DMRT1: variants seen among roughly 807,000 people sequenced by gnomAD.
DMRT1 encodes doublesex and mab-3 related transcription factor 1.
In DMRT1, 7 loss-of-function variants were observed where a neutral mutation model predicts 32.3. That is an observed-to-expected ratio of 0.22 (90% confidence interval 0.12 to 0.41). The LOEUF (loss-of-function observed/expected upper bound fraction) is 0.41. DMRT1 is among the 10% of genes least tolerant of loss of function. The pLI, the probability that DMRT1 is intolerant of heterozygous loss-of-function variation, is 1.00. For synonymous variants in DMRT1, 278 were observed against 206.1 expected (o/e 1.35, Z -2.99); for missense variants, 625 against 500.5 (o/e 1.25, Z -2.37).
rs1820016141 is a variant in DMRT1 at position 968,707 on chromosome 9, T to C, written c.*568T>C. On this transcript the variant is annotated 3_prime_UTR_variant, in exon 5 of 5. Coordinates refer to ENST00000382276, the MANE Select transcript of DMRT1 (RefSeq NM_021951.3). ...CCCAATCCAAAACGTAACTGAAATA[T>C]AATCAGAAACATTAAAGCCTGTAAA... 1 of 153,202 alleles carries C rather than the reference T, an allele frequency of 6.5e-6. No homozygotes were observed. Among genetic ancestry groups the C allele is most frequent in the Non-Finnish European group, 1.5e-5 (1 of 68,746 alleles). 9.5% of individuals were successfully genotyped at this position (153,202 alleles called of 1,614,324 possible).
At chr9:902,295 G>C (rs1229939549) in intron 3 of DMRT1, among the ~76,000 whole-genome samples, 1 of 149,988 alleles carries the variant, frequency 6.7e-6, no homozygotes, top group Non-Finnish European at 1.5e-5. Context: ...GTAAAAAGTT[G>C]ATACCCGTTG....
intron 2 of DMRT1, among the ~76,000 whole-genome samples, chr9:856,389 C>T (rs7027737): frequency 0.42 from 64,416 of 151,884 alleles, 13,836 homozygotes; most frequent in East Asian, 0.6. Context: ...TCAGTCACTC[C>T]CCATGTACTC....
At chr9:931,133 G>T (rs764996362) in intron 4 of DMRT1, among the ~76,000 whole-genome samples, 10 of 152,204 alleles carry the variant, frequency 6.6e-5, no homozygotes, top group African/African-American at 2.2e-4. Flanking sequence ...TTTTGTGTCC[G>T]ACTTCTTTCA....
chr9:873,529 G>C (rs1392382431), intron 2 of DMRT1, among the ~76,000 whole-genome samples: 1 of 151,874 alleles, frequency 6.6e-6, no homozygotes. Flanking sequence ...TTGTTGGCCA[G>C]GCTGGTCTCG....
chr9:907,436 G>T (rs1354812879), intron 3 of DMRT1, among the ~76,000 whole-genome samples: 1 of 152,154 alleles, frequency 6.6e-6, no homozygotes, highest in African/African-American at 2.4e-5. Flanking sequence ...CGCTGAGCTA[G>T]TCCCAGCCAG....
intron 3 of DMRT1, among the ~76,000 whole-genome samples, chr9:898,605 T>C (rs1003298142): frequency 1.3e-5 from 2 of 152,216 alleles, no homozygotes; most frequent in Non-Finnish European, 2.9e-5. Flanking sequence ...CCTGCTTTTC[T>C]GTCTTCTTTG....
intron 4 of DMRT1, among the ~76,000 whole-genome samples, chr9:944,439 C>T (rs967894016): frequency 2.6e-5 from 4 of 152,186 alleles, no homozygotes; most frequent in South Asian, 4.2e-4. Context: ...TTTTCAGCAG[C>T]TCACTCCCCT....
chr9:934,978 C>T (rs1314713826), intron 4 of DMRT1, among the ~76,000 whole-genome samples: 1 of 152,160 alleles, frequency 6.6e-6, no homozygotes, highest in East Asian at 1.9e-4. Context: ...CCAGCTGTCT[C>T]AACTATATCT....
intron 2 of DMRT1, among the ~76,000 whole-genome samples, chr9:873,447 A>G (rs13299489): frequency 2.6e-5 from 4 of 151,732 alleles, no homozygotes; most frequent in African/African-American, 7.3e-5. Context: ...CTGGGATTAC[A>G]GGTGCCTGCC....
rs570022418 is a variant in DMRT1 at position 862,075 on chromosome 9, A to G, written c.538+14932A>G. On this transcript the variant is annotated intron_variant, in intron 2 of 4. Coordinates refer to ENST00000382276, the MANE Select transcript of DMRT1 (RefSeq NM_021951.3). ...CCAGACGATGGGCGGCCAGGCAGAG[A>G]CGCTCCTCACTTCCTAGACGGGGTG... Among the ~76,000 whole-genome samples, 12 of 148,954 alleles carry G rather than the reference A, an allele frequency of 8.1e-5. No individual in the cohort carries two copies. The South Asian group carries it at 2.4e-3, about 29-fold the overall frequency.
intron 4 of DMRT1, among the ~76,000 whole-genome samples, chr9:947,938 A>C (rs1371308844): frequency 6.6e-6 from 1 of 152,240 alleles, no homozygotes. Context: ...GGGGTCAGCC[A>C]TGCTGTGTTT....
rs1815530662 is a variant in DMRT1, at chr9:858,933, T to C, written c.538+11790T>C. On this transcript the variant is annotated intron_variant, in intron 2 of 4. Transcript: ENST00000382276. ...CATTTTTAAGCATAGAGTTCAGTGG[T>C]ATTAGGTACATTCACCATAATGTGC... 3.3e-5 allele frequency among the ~76,000 whole-genome samples: 5 copies of C among 151,738 alleles called. No homozygotes were observed. The South Asian group carries it at 6.3e-4, about 19-fold the overall frequency.
intron 4 of DMRT1, among the ~76,000 whole-genome samples, chr9:920,931 G>A (rs1041887776): frequency 6.6e-6 from 1 of 152,170 alleles, no homozygotes; most frequent in African/African-American, 2.4e-5. Context: ...TAGCAATTTG[G>A]TAGAGCAGTT....
chr9:935,966 A>G (rs1238371193), intron 4 of DMRT1, among the ~76,000 whole-genome samples: 3 of 152,214 alleles, frequency 2.0e-5, no homozygotes, highest in African/African-American at 4.8e-5. Context: ...CATAAGTGAA[A>G]TATCCCAAAG....
rs151175075 is a variant in DMRT1, at chr9:905,997, G to C, written c.823-10766G>C. Among the ~76,000 whole-genome samples the C allele has an allele frequency of 2.0e-5, 3 of 149,644 alleles. No individual in the cohort carries two copies. The East Asian group carries it at 6.0e-4, about 30-fold the overall frequency. On this transcript the variant is annotated intron_variant, in intron 3 of 4. Coordinates refer to ENST00000382276, the MANE Select transcript of DMRT1 (RefSeq NM_021951.3). ...GAAATTCTGGAAAATCACTAGGCAT[G>C]CTGTCTCTCAAGATGCTTCTGTGAC...
At chr9:849,320 T>C (rs920541759) in intron 2 of DMRT1, among the ~76,000 whole-genome samples, 1 of 152,130 alleles carries the variant, frequency 6.6e-6, no homozygotes, top group African/African-American at 2.4e-5. Flanking sequence ...CTCAGAGTAA[T>C]TTAGGGCTGA....
In DMRT1 at chr9:969,052, G is replaced by T. The variant is rs149271602; in HGVS notation, c.*913G>T. On this transcript the variant is annotated 3_prime_UTR_variant, in exon 5 of 5. Transcript: ENST00000382276. ...AAAAAATTCATTGTTCTACTTAGTT[G>T]CAGCTGTACCTGAAATAAAAATGTT... 5.4e-4 allele frequency: 83 copies of T among 152,762 alleles called. No homozygotes were observed. The highest frequency in any genetic ancestry group is 1.9e-3 in the African/African-American group (80 of 41,582). The allele number at this position is 152,762 out of a possible 1,614,324, so 9.5% of individuals were successfully genotyped here. A position where few individuals can be genotyped will look rare whatever the true frequency, so the allele number is the denominator to read the frequency against.
At chr9:967,964 C>CTCTCTT in intron 4 of DMRT1, 21 bp from the exon 5 acceptor site, 1 of 1,612,298 alleles carries the variant, frequency 6.2e-7, no homozygotes, top group Non-Finnish European at 8.5e-7. Flanking sequence ...TTCTCTCTTT[C>CTCTCTT]TCTCTCACCT....
rs540721728 is a variant in DMRT1, at chr9:895,619, T to G, written c.822+1424T>G. ...ATATATGTGTACCTTGCACAATGAT[T>G]GCCACAATTAAGCTAATTAACAAAC... On this transcript the variant is annotated intron_variant, in intron 3 of 4. Coordinates refer to ENST00000382276, the MANE Select transcript of DMRT1 (RefSeq NM_021951.3). 1.7e-3 allele frequency among the ~76,000 whole-genome samples: 259 copies of G among 152,340 alleles called. 1 individual carries two copies. Among genetic ancestry groups the G allele is most frequent in the African/African-American group, 6.1e-3 (252 of 41,576 alleles).
Sources: allele counts gnomAD v4.1 joint callset (sites outside exome capture counted in the v4.1 genomes callset), GRCh38; gene constraint gnomAD v4.1.1; transcripts MANE v1.5; gene names NCBI Gene and HGNC (gene_info 2026-07-23, HGNC 2026-07-21).